Variants in NXPH1 observed in about 807,000 individuals in gnomAD.
The protein encoded by NXPH1 is neurexophilin 1.
NXPH1 carries 5 observed loss-of-function variants against 23.7 expected under a neutral mutation model. That is an observed-to-expected ratio of 0.21 (90% CI 0.11 to 0.44). The LOEUF (loss-of-function observed/expected upper bound fraction) is 0.44. NXPH1 is among the 20% of genes least tolerant of loss of function. The pLI, the probability that NXPH1 is intolerant of heterozygous loss-of-function variation, is 0.99. For missense variants in NXPH1, 324 were observed against 321.6 expected (o/e 1.01, Z -0.06); for synonymous variants, 144 against 122.2 (o/e 1.18, Z -1.18).
At position 8,686,407 on chromosome 7, in the gene NXPH1, C is replaced by G. The variant is rs1038499511; in HGVS notation, c.55-64601C>G. Among the ~76,000 whole-genome samples, 6 of 152,020 alleles carry G rather than the reference C, an allele frequency of 3.9e-5. No individual in the cohort carries two copies. The East Asian group carries it at 1.2e-3, about 29-fold the overall frequency. ...TCTTCAAAATCAAAGCCTGTTTAGG[C>G]ATAAACAAATTACATGCAAATAATG... On this transcript the variant is annotated intron_variant, in intron 2 of 2. Coordinates refer to ENST00000405863, the MANE Select transcript of NXPH1 (RefSeq NM_152745.3).
At chr7:8,684,661 C>A (rs112417978) in intron 2 of NXPH1, among the ~76,000 whole-genome samples, 2 of 152,056 alleles carry the variant, frequency 1.3e-5, no homozygotes, top group Non-Finnish European at 2.9e-5. Flanking sequence ...AATAATAAAC[C>A]GGATATACTC....
chr7:8,523,515 A>C (rs930865507), intron 2 of NXPH1, among the ~76,000 whole-genome samples: 13 of 152,230 alleles, frequency 8.5e-5, no homozygotes, highest in African/African-American at 2.7e-4. Context: ...CCCAAGGAAC[A>C]CTAATTCTCT....
At chr7:8,710,245 A>G (rs1779766001) in intron 2 of NXPH1, among the ~76,000 whole-genome samples, 1 of 152,238 alleles carries the variant, frequency 6.6e-6, no homozygotes, top group South Asian at 2.1e-4. Flanking sequence ...AAGGTTGGGC[A>G]GCTTCCTGAT....
chr7:8,597,963 T>C (rs1819264436), intron 2 of NXPH1, among the ~76,000 whole-genome samples: 1 of 151,978 alleles, frequency 6.6e-6, no homozygotes, highest in African/African-American at 2.4e-5. Context: ...ATCATTTGAG[T>C]GTAGTCAATT....
chr7:8,583,255 C>G (rs912686284), intron 2 of NXPH1, among the ~76,000 whole-genome samples: 5 of 152,210 alleles, frequency 3.3e-5, no homozygotes, highest in African/African-American at 4.8e-5. Flanking sequence ...CATTTCCCAA[C>G]CATCTACTAT....
chr7:8,671,207 T>C (rs565730220), intron 2 of NXPH1, among the ~76,000 whole-genome samples: 2 of 152,312 alleles, frequency 1.3e-5, no homozygotes, highest in East Asian at 1.9e-4. Flanking sequence ...TTTATTTCTA[T>C]GTGAAAGAGA....
chr7:8,614,625 T>A (rs577541717), intron 2 of NXPH1, among the ~76,000 whole-genome samples: 1 of 152,140 alleles, frequency 6.6e-6, no homozygotes, highest in East Asian at 1.9e-4. Context: ...GGTATGTATA[T>A]GTCTATAGTT....
chr7:8,727,695 A>G (rs1394420890), intron 2 of NXPH1, among the ~76,000 whole-genome samples: 2 of 152,078 alleles, frequency 1.3e-5, no homozygotes, highest in Non-Finnish European at 2.9e-5. Flanking sequence ...CCGTTGATCT[A>G]TATCTCTGTT....
In NXPH1 at chr7:8,689,905, A is replaced by G. The variant is rs1562455542; in HGVS notation, c.55-61103A>G. ...TTTGAGAACAAAAGGAGACACCACT[A>G]TTAATAACTGCACTAGGACAACAGG... On this transcript the variant is annotated intron_variant, in intron 2 of 2. Coordinates refer to ENST00000405863, the MANE Select transcript of NXPH1 (RefSeq NM_152745.3). Among the ~76,000 whole-genome samples the G allele has an allele frequency of 6.6e-5, 10 of 152,302 alleles. No homozygotes were observed. In the South Asian group the frequency reaches 1.9e-3, roughly 28 times the overall value.
At chr7:8,512,448 A>G (rs1817627110) in intron 2 of NXPH1, among the ~76,000 whole-genome samples, 1 of 152,118 alleles carries the variant, frequency 6.6e-6, no homozygotes, top group African/African-American at 2.4e-5. Context: ...AACACAGTCT[A>G]ATTAGAAGGG....
intron 2 of NXPH1, among the ~76,000 whole-genome samples, chr7:8,563,265 ATTG>A (rs1265147415): frequency 7.3e-5 from 11 of 151,708 alleles, no homozygotes; most frequent in Admixed American, 6.6e-4. Context: ...GAAGAAAAAC[ATTG>A]TTGTGTATTT....
Position 8,730,436 on chromosome 7 carries a change from T to C in NXPH1, c.55-20572T>C, listed in dbSNP as rs376663778. Among the ~76,000 whole-genome samples, 119 of 151,652 alleles carry C rather than the reference T, an allele frequency of 7.8e-4. 1 individual carries two copies. In the South Asian group the frequency reaches 0.018, roughly 23 times the overall value. ...AGTTGATGCAGTTTCTTCCTAGTCT[T>C]GATGGTCTTTACATTTTGGCATGAT... On this transcript the variant is annotated intron_variant, in intron 2 of 2. Coordinates refer to ENST00000405863, the MANE Select transcript of NXPH1 (RefSeq NM_152745.3).
intron 2 of NXPH1, among the ~76,000 whole-genome samples, chr7:8,626,286 T>A (rs980065609): frequency 1.3e-5 from 2 of 152,090 alleles, no homozygotes; most frequent in African/African-American, 2.4e-5. Context: ...AAATTATGCA[T>A]CTTTGGGCCT....
chr7:8,571,319 T>C (rs1818642769), intron 2 of NXPH1, among the ~76,000 whole-genome samples: 1 of 151,690 alleles, frequency 6.6e-6, no homozygotes, highest in African/African-American at 2.4e-5. Flanking sequence ...TGATATGGTA[T>C]GGGGATAGTG....
At chr7:8,749,625 G>T (rs1369405999) in intron 2 of NXPH1, among the ~76,000 whole-genome samples, 2 of 152,136 alleles carry the variant, frequency 1.3e-5, no homozygotes, top group Non-Finnish European at 2.9e-5. Context: ...AGACTGGAGG[G>T]TCCAATGAAG....
intron 2 of NXPH1, among the ~76,000 whole-genome samples, chr7:8,745,900 C>A (rs1359962317): frequency 6.6e-6 from 1 of 151,990 alleles, no homozygotes; most frequent in Non-Finnish European, 1.5e-5. Flanking sequence ...TCCTCTGGCC[C>A]ATGCACTAGC....
chr7:8,494,072 G>A (rs1817297289), intron 2 of NXPH1, among the ~76,000 whole-genome samples: 1 of 151,962 alleles, frequency 6.6e-6, no homozygotes, highest in East Asian at 1.9e-4. Context: ...TCCGTCTCAG[G>A]ATATTGAAGG....
At chr7:8,626,972 G>T (rs1041233904) in intron 2 of NXPH1, among the ~76,000 whole-genome samples, 1 of 152,040 alleles carries the variant, frequency 6.6e-6, no homozygotes, top group Non-Finnish European at 1.5e-5. Context: ...GAGCCTCTCT[G>T]GGTGTTCTTT....
rs547345518 is a variant in NXPH1, at chr7:8,463,926, C to T, written c.54+28159C>T. 2.0e-5 allele frequency among the ~76,000 whole-genome samples: 3 copies of T among 152,278 alleles called. No homozygotes were observed. In the East Asian group the frequency reaches 5.8e-4, roughly 29 times the overall value. ...TCCTACTCCATATTTGCATCTTTGT[C>T]TGTCATTTGGACCTTTCTTAGGAGT... On this transcript the variant is annotated intron_variant, in intron 2 of 2. Transcript: ENST00000405863.
Sources: allele counts gnomAD v4.1 joint callset (sites outside exome capture counted in the v4.1 genomes callset), GRCh38; gene constraint gnomAD v4.1.1; transcripts MANE v1.5; gene names NCBI Gene and HGNC (gene_info 2026-07-23, HGNC 2026-07-21).